The following SCARB2 variants were observed in gnomAD, a reference collection of about 807,000 sequenced individuals.
The protein encoded by SCARB2 is scavenger receptor class B member 2, also known as lysosome membrane protein 2.
Under a neutral mutation model 58.6 loss-of-function variants are expected in SCARB2, and 29 were observed. The ratio of observed to expected loss-of-function variants is 0.49; its 90% CI spans 0.37 to 0.67. The LOEUF (loss-of-function observed/expected upper bound fraction) is 0.67, where lower values mean the gene tolerates loss of function less well. SCARB2 is among the 30% of genes least tolerant of loss of function. The pLI is 0.00. For missense variants in SCARB2, 488 were observed against 578.5 expected (o/e 0.84, Z 1.60); for synonymous variants, 195 against 210.1 (o/e 0.93, Z 0.62).
intron 8 of SCARB2, among the ~76,000 whole-genome samples, chr4:76,169,242 A>G (rs765524622): frequency 3.3e-5 from 5 of 152,036 alleles, no homozygotes; most frequent in Non-Finnish European, 7.4e-5. Flanking sequence ...ATAATGTTCA[A>G]ATTCCAAAAA....
chr4:76,160,296 A>AT lies in SCARB2; in HGVS notation c.*1416dup, dbSNP rs1187701492. The AT allele has an allele frequency of 1.3e-5, 2 of 152,240 alleles. No individual in the cohort carries two copies. Among genetic ancestry groups the AT allele is most frequent in the Non-Finnish European group, 2.9e-5 (2 of 68,038 alleles). 9.4% of individuals were successfully genotyped at this position (152,240 alleles called of 1,614,324 possible). ...TTTTGAATGGTTCAGTTGTTAAGAAATTCTATAAGCACTTTGTCAGCTAAA... is the reference window on the plus strand; with the variant it reads ...TTTTGAATGGTTCAGTTGTTAAGAAATTTCTATAAGCACTTTGTCAGCTAAA... On this transcript the variant is annotated 3_prime_UTR_variant, in exon 12 of 12. Coordinates refer to ENST00000264896, the MANE Select transcript of SCARB2 (RefSeq NM_005506.4).
chr4:76,174,182 A>T lies in SCARB2; in HGVS notation c.956T>A (p.Leu319Gln). The T allele has an allele frequency of 6.2e-7, 1 of 1,614,128 alleles. No individual in the cohort carries two copies. The highest frequency in any genetic ancestry group is 8.5e-7 in the Non-Finnish European group (1 of 1,180,028). The change falls in exon 7 of 12, where the codon CTG becomes CAG. Residue 319 changes from leucine (L) to glutamine (Q), a missense_variant. By Grantham distance (113) the Leu-to-Gln change is moderately radical (BLOSUM62 -2). Transcript: ENST00000264896. ...GCTGACATTCAGAACTCCTGAGCCC[A>T]GGCAGTTTCCCTCAGGTATACAGAA... is the stretch of plus-strand genomic sequence containing the variant. ...AGFCIPEGNC[L>Q]GSGVLNVSIC...
chr4:76,168,175 T>C (rs1732054624), intron 9 of SCARB2, among the ~76,000 whole-genome samples: 2 of 152,238 alleles, frequency 1.3e-5, no homozygotes, highest in Admixed American at 6.5e-5. Flanking sequence ...CATAAGGTGC[T>C]GAGAACAATA....
At chr4:76,187,189 T>C (rs114366061) in intron 2 of SCARB2, among the ~76,000 whole-genome samples, 7 of 152,256 alleles carry the variant, frequency 4.6e-5, no homozygotes, top group Non-Finnish European at 1.0e-4. Context: ...CATCAAACCA[T>C]TGAAGGGAGT....
At chr4:76,232,643 C>T (rs1464740816) in intron 1 of SCARB2, among the ~76,000 whole-genome samples, 1 of 151,998 alleles carries the variant, frequency 6.6e-6, no homozygotes, top group East Asian at 1.9e-4. Context: ...AAAAATATAA[C>T]CTAAACAAGA....
chr4:76,205,325 CAAAACAAAAACA>C lies in SCARB2; in HGVS notation c.117+8090_117+8101del, dbSNP rs529501976. Reference sequence around the variant, plus strand: ...TGGGTGACAGAGAGAAGCCCTATCTCAAAACAAAAACAAAAACAAAAACAAAAATAAAATAAA... The same window carrying C: ...TGGGTGACAGAGAGAAGCCCTATCTCAAAACAAAAACAAAAATAAAATAAA... On this transcript the variant is annotated intron_variant, in intron 1 of 11. Transcript: ENST00000264896. Among the ~76,000 whole-genome samples, 13 of 150,524 alleles carry C rather than the reference CAAAACAAAAACA, an allele frequency of 8.6e-5. No homozygotes were observed. The South Asian group carries it at 2.3e-3, about 27-fold the overall frequency.
intron 2 of SCARB2, among the ~76,000 whole-genome samples, chr4:76,183,222 T>C (rs1043633898): frequency 5.9e-5 from 9 of 152,174 alleles, no homozygotes; most frequent in Admixed American, 4.6e-4. Context: ...AAGAAGTGTG[T>C]GGCGTTTTCT....
rs186281410 is a variant in SCARB2 at position 76,200,699 on chromosome 4, T to A, written c.118-4835A>T. Reference sequence around the variant, plus strand: ...CCTGAAATTATTTAGATCCTTCCAGTAGCATGGATCTGTGATAAAATTCCC... The same window carrying A: ...CCTGAAATTATTTAGATCCTTCCAGAAGCATGGATCTGTGATAAAATTCCC... On this transcript the variant is annotated intron_variant, in intron 1 of 11. Coordinates refer to ENST00000264896, the MANE Select transcript of SCARB2 (RefSeq NM_005506.4). Among the ~76,000 whole-genome samples, 4 of 152,322 alleles carry A rather than the reference T, an allele frequency of 2.6e-5. No homozygotes were observed. In the East Asian group the frequency reaches 7.7e-4, roughly 29 times the overall value.
chr4:76,198,458 G>C (rs1203709443), intron 1 of SCARB2, among the ~76,000 whole-genome samples: 1 of 152,234 alleles, frequency 6.6e-6, no homozygotes, highest in Non-Finnish European at 1.5e-5. Context: ...ACTTGAACTT[G>C]TTCCTCCAAC....
intron 2 of SCARB2, among the ~76,000 whole-genome samples, chr4:76,186,860 G>A (rs920978058): frequency 6.6e-6 from 1 of 151,396 alleles, no homozygotes; most frequent in Non-Finnish European, 1.5e-5. Flanking sequence ...TTCTATTTTG[G>A]CAAAACAAAT....
upstream of SCARB2, among the ~76,000 whole-genome samples, chr4:76,214,787 T>C (rs1733169587): frequency 6.6e-6 from 1 of 152,144 alleles, no homozygotes; most frequent in African/African-American, 2.4e-5. Context: ...GTCCTATGAA[T>C]AGGAGGTTGT....
chr4:76,231,506 C>T (rs1032995439), intron 1 of SCARB2, among the ~76,000 whole-genome samples: 7 of 147,704 alleles, frequency 4.7e-5, no homozygotes, highest in East Asian at 2.0e-4. Context: ...ATTTCTCACT[C>T]GCCAGTCCTC....
chr4:76,182,187 G>A (rs1404476045), intron 2 of SCARB2, among the ~76,000 whole-genome samples: 1 of 152,042 alleles, frequency 6.6e-6, no homozygotes, highest in Non-Finnish European at 1.5e-5. Context: ...AGTGACTTTT[G>A]TTTCTTTCCC....
intron 2 of SCARB2, chr4:76,192,866 A>G (rs1021714176): frequency 6.6e-6 from 1 of 152,166 alleles, no homozygotes; most frequent in Non-Finnish European, 1.5e-5. Flanking sequence ...ACAAAACAAA[A>G]TATTTTTGTG....
In SCARB2 at chr4:76,179,676, G is replaced by A; in HGVS notation, c.453C>T (p.Phe151=). 6.2e-7 allele frequency: 1 copy of A among 1,614,048 alleles called. No homozygotes were observed. The highest frequency in any genetic ancestry group is 8.5e-7 in the Non-Finnish European group (1 of 1,179,990). The change falls in exon 4 of 12, where the codon TTC becomes TTT. Residue 151 remains phenylalanine (F), a synonymous_variant. Transcript: ENST00000264896. ...LTVIEWSQVH[F]LREIIEAMLK... ...ACATGGCCTCGATGATCTCCCTGAG[G>A]AAGTGCACCTGGGACCACTCTATGA...
chr4:76,166,354 C>T (rs747019270), intron 9 of SCARB2, 53 bp from the exon 10 acceptor site: 3 of 1,536,608 alleles, frequency 2.0e-6, no homozygotes, highest in Non-Finnish European at 2.7e-6. Flanking sequence ...CACAATGGCA[C>T]ACTTTCCCGG....
rs527745156 is a variant in SCARB2, at chr4:76,204,405, G to A, written c.118-8541C>T. 3.3e-5 allele frequency among the ~76,000 whole-genome samples: 5 copies of A among 152,230 alleles called. No individual in the cohort carries two copies. The South Asian group carries it at 8.3e-4, about 25-fold the overall frequency. On this transcript the variant is annotated intron_variant, in intron 1 of 11. Coordinates refer to ENST00000264896, the MANE Select transcript of SCARB2 (RefSeq NM_005506.4). Reference sequence around the variant, plus strand: ...TTAACTAATGAGCTCTGATAGTTCAGATTCAAATGTAGCTCATGGGTGAAC... The same window carrying A: ...TTAACTAATGAGCTCTGATAGTTCAAATTCAAATGTAGCTCATGGGTGAAC...
intron 9 of SCARB2, among the ~76,000 whole-genome samples, chr4:76,168,091 C>G (rs572605819): frequency 6.6e-6 from 1 of 152,312 alleles, no homozygotes; most frequent in Non-Finnish European, 1.5e-5. Flanking sequence ...AAGGCTTAGC[C>G]AAGTTACCTA....
rs1442080891 is a variant in SCARB2 at position 76,160,166 on chromosome 4, AAC to A, written c.*1545_*1546del. 10 of 152,200 alleles carry A rather than the reference AAC, an allele frequency of 6.6e-5. No homozygotes were observed. The East Asian group carries it at 9.6e-4, about 15-fold the overall frequency. The allele number at this position is 152,200 out of a possible 1,614,324, so 9.4% of individuals were successfully genotyped here. A position where few individuals can be genotyped will look rare whatever the true frequency, so the allele number is the denominator to read the frequency against. On this transcript the variant is annotated 3_prime_UTR_variant, in exon 12 of 12. Coordinates refer to ENST00000264896, the MANE Select transcript of SCARB2 (RefSeq NM_005506.4). ...TAGAAAAAGGAAAAATTGTCAGTAAAACAATTTATTACCTCAATACAGGGATA... is the reference window on the plus strand; with the variant it reads ...TAGAAAAAGGAAAAATTGTCAGTAAAAATTTATTACCTCAATACAGGGATA...
Sources: gnomAD v4.1 joint callset for allele counts (sites outside exome capture counted in the v4.1 genomes callset) on GRCh38, gnomAD v4.1.1 for gene constraint, MANE v1.5 for transcripts, NCBI Gene and HGNC (gene_info 2026-07-23, HGNC 2026-07-21) for gene names.